CEP192: variants seen among roughly 807,000 people sequenced by gnomAD.
CEP192 encodes the protein centrosomal protein of 192 kDa.
In CEP192, 151 loss-of-function variants were observed where a neutral mutation model predicts 271.8. The ratio of observed to expected loss-of-function variants is 0.56; its 90% CI spans 0.49 to 0.64. CEP192 has a LOEUF of 0.64. CEP192 is among the 30% of genes least tolerant of loss of function. The pLI is 0.00. For missense variants in CEP192, 2,910 were observed against 3,020.5 expected (o/e 0.96, Z 0.86); for synonymous variants, 995 against 1,076.5 (o/e 0.92, Z 1.48).
In CEP192 at chr18:13,068,994, A is replaced by G. The variant is rs550484413; in HGVS notation, c.4962+3A>G. On this transcript the variant is annotated splice_donor_region_variant and intron_variant, in intron 25 of 44. Coordinates refer to ENST00000506447, the MANE Select transcript of CEP192 (RefSeq NM_032142.4). ...TCCATGCTCCCAGGGACTTGCAGGT[A>G]GCCTCAGTCCTCCTTTCTGCCGTTA... 2.5e-6 allele frequency: 4 copies of G among 1,614,206 alleles called. No individual in the cohort carries two copies. The Admixed American group carries it at 6.7e-5, about 27-fold the overall frequency.
chr18:13,118,705 G>A (rs917351196), intron 44 of CEP192, among the ~76,000 whole-genome samples: 1 of 152,186 alleles, frequency 6.6e-6, no homozygotes, highest in Non-Finnish European at 1.5e-5. Flanking sequence ...TTTGTAAAAT[G>A]GAGATGCCAG....
chr18:13,098,756 C>T (rs1229018775), intron 36 of CEP192, among the ~76,000 whole-genome samples: 1 of 152,008 alleles, frequency 6.6e-6, no homozygotes, highest in Non-Finnish European at 1.5e-5. Context: ...GGCAGAGACG[C>T]TCCTCACTTC....
chr18:13,074,364 G>C (rs538005530), intron 30 of CEP192, among the ~76,000 whole-genome samples: 17 of 152,112 alleles, frequency 1.1e-4, no homozygotes, highest in Non-Finnish European at 2.2e-4. Flanking sequence ...GTGCACCCAG[G>C]GGATACTGCC....
chr18:13,018,907 GTTTATTATTGCCTC>G (rs2034821734), intron 8 of CEP192, among the ~76,000 whole-genome samples, 161 bp from the exon 9 acceptor site: 1 of 152,086 alleles, frequency 6.6e-6, no homozygotes, highest in South Asian at 2.1e-4. Flanking sequence ...AGTTTATCAT[GTTTATTATTGCCTC>G]TTACTGTTGC....
rs373114594 is a variant in CEP192, at chr18:13,069,754, G to T, written c.5072G>T (p.Ser1691Ile). The change falls in exon 27 of 45, where the codon AGT becomes ATT. Residue 1691 changes from serine (S) to isoleucine (I), a missense_variant. Physicochemically the swap from Ser to Ile is moderately radical, Grantham distance 142. Coordinates refer to ENST00000506447, the MANE Select transcript of CEP192 (RefSeq NM_032142.4). ...TATATTTAGGTCCCAGAACAAGGAA[G>T]TCACTTTTCAGTGGATCCAAAGAAT... ...YLDIKVPEQG[S>I]HFSVDPKNLL... 2 of 1,580,214 alleles carry T rather than the reference G, an allele frequency of 1.3e-6. No individual in the cohort carries two copies. The highest frequency in any genetic ancestry group is 2.7e-5 in the African/African-American group (2 of 73,624).
chr18:13,021,574 G>A (rs1036236564), intron 9 of CEP192, among the ~76,000 whole-genome samples: 21 of 152,252 alleles, frequency 1.4e-4, no homozygotes, highest in African/African-American at 4.8e-4. Context: ...TCTTTTTCAA[G>A]ATTTTTTTGG....
At position 13,117,611 on chromosome 18, in the gene CEP192, A is replaced by G. The variant is rs770691155; in HGVS notation, c.7443A>G (p.Pro2481=). ...HSLKFLSPRE[P]FYVKHSKYSL... ...TGAAGTTTTTGAGTCCCAGAGAGCCATTCTATGTCAAACATTCCAAGTACT... is the reference window on the plus strand; with the variant it reads ...TGAAGTTTTTGAGTCCCAGAGAGCCGTTCTATGTCAAACATTCCAAGTACT... The change falls in exon 44 of 45, where the codon CCA becomes CCG. Residue 2481 remains proline, a synonymous_variant. Coordinates refer to ENST00000506447, the MANE Select transcript of CEP192 (RefSeq NM_032142.4). 8.1e-6 allele frequency: 13 copies of G among 1,612,988 alleles called. No individual in the cohort carries two copies. Among genetic ancestry groups the G allele is most frequent in the Middle Eastern group, 1.6e-4 (1 of 6,062 alleles).
At chr18:13,030,681 T>A in intron 11 of CEP192, 73 bp downstream of exon 11, 1 of 1,222,824 alleles carries the variant, frequency 8.2e-7, no homozygotes, top group Non-Finnish European at 1.2e-6. Flanking sequence ...TGTGTATATG[T>A]TGGTCAGCCA....
At chr18:13,008,702 ATTTTT>A (rs796795541) in intron 4 of CEP192, 71 bp downstream of exon 4, 183 of 931,818 alleles carry the variant, frequency 2.0e-4, no homozygotes, top group East Asian at 3.0e-4. Context: ...TTATCTTTGG[ATTTTT>A]TTTTTTTTTT....
In CEP192 at chr18:13,049,559, A is replaced by T; in HGVS notation, c.2768A>T (p.Asp923Val). 6.2e-7 allele frequency: 1 copy of T among 1,614,068 alleles called. No homozygotes were observed. Among genetic ancestry groups the T allele is most frequent in the South Asian group, 1.1e-5 (1 of 91,080 alleles). The change falls in exon 16 of 45, where the codon GAC (aspartate) becomes GTC (valine). Residue 923 changes from aspartate (D) to valine (V), a missense_variant. Coordinates refer to ENST00000506447, the MANE Select transcript of CEP192 (RefSeq NM_032142.4). ...ATAACATCCCTTTGTCTGTTAAAAG[A>T]CTGTGAAGAAATACGAGATAACAGA... ...PRITSLCLLK[D>V]CEEIRDNREN...
In CEP192 at chr18:13,048,943, A is replaced by G. The variant is rs1298571855; in HGVS notation, c.2152A>G (p.Ile718Val). ...SGDSMLRIST[I>V]ASAIAEASVN... ...TGATTCTATGCTTAGGATCAGCACCATTGCTTCAGCCATTGCAGAGGCATC... is the reference window on the plus strand; with the variant it reads ...TGATTCTATGCTTAGGATCAGCACCGTTGCTTCAGCCATTGCAGAGGCATC... The change falls in exon 16 of 45, where the codon ATT becomes GTT. Residue 718 changes from isoleucine (I) to valine (V), a missense_variant. Transcript: ENST00000506447. 6.2e-7 allele frequency: 1 copy of G among 1,614,144 alleles called. No homozygotes were observed. Among genetic ancestry groups the G allele is most frequent in the Non-Finnish European group, 8.5e-7 (1 of 1,179,952 alleles).
rs150653135 is a variant in CEP192 at position 13,087,985 on chromosome 18, T to C, written c.5993+339T>C. Among the ~76,000 whole-genome samples the C allele has an allele frequency of 3.4e-3, 513 of 152,336 alleles. 4 individuals carry two copies. Among genetic ancestry groups the C allele is most frequent in the Non-Finnish European group, 5.3e-3 (358 of 68,036 alleles). The stretch of plus-strand genomic sequence containing the variant: ...ATGTTAAGTGACAGTGTCAGTTTTA[T>C]AAAAGATTTAAGAACTACTGAATGA... On this transcript the variant is annotated intron_variant, in intron 32 of 44. Transcript: ENST00000506447.
intron 3 of CEP192, among the ~76,000 whole-genome samples, chr18:13,002,752 T>C (rs1206341937): frequency 3.3e-5 from 5 of 152,130 alleles, no homozygotes; most frequent in African/African-American, 1.2e-4. Context: ...AAAACCAAAA[T>C]GGGAATGGTG....
intron 21 of CEP192, 61 bp downstream of exon 21, chr18:13,059,373 T>C (rs16940077): frequency 0.077 from 105,618 of 1,375,932 alleles, 4,906 homozygotes; most frequent in South Asian, 0.19. Context: ...TGTTTAACCT[T>C]AGAAGTAAAA....
chr18:13,083,071 A>C (rs1028921305), intron 30 of CEP192, among the ~76,000 whole-genome samples: 6 of 151,878 alleles, frequency 4.0e-5, no homozygotes, highest in African/African-American at 1.5e-4. Context: ...CTTCATTCCA[A>C]CCTTGGTGAA....
rs2144132717 is a variant in CEP192 at position 13,055,895 on chromosome 18, G to A, written c.3305G>A (p.Gly1102Glu). 6.2e-7 allele frequency: 1 copy of A among 1,613,998 alleles called. No individual in the cohort carries two copies. Among genetic ancestry groups the A allele is most frequent in the Non-Finnish European group, 8.5e-7 (1 of 1,179,954 alleles). ...EKVPFQNRGK[G>E]TLSSIIQNNS... ...GTTCCATTTCAGAATAGAGGAAAAG[G>A]AACATTATCATCTATTATCCAGAAT... is the stretch of plus-strand genomic sequence containing the variant. The change falls in exon 19 of 45, where the codon GGA (glycine) becomes GAA (glutamate). Residue 1102 changes from glycine to glutamate, a missense_variant. By Grantham distance (98) the Gly-to-Glu change is moderately conservative (BLOSUM62 -2). Coordinates refer to ENST00000506447, the MANE Select transcript of CEP192 (RefSeq NM_032142.4).
intron 1 of CEP192, among the ~76,000 whole-genome samples, chr18:12,998,806 C>G (rs959219529): frequency 6.6e-6 from 1 of 152,134 alleles, no homozygotes; most frequent in African/African-American, 2.4e-5. Flanking sequence ...CTTCAGAGCA[C>G]CGTGGTCAGG....
chr18:13,005,249 G>A (rs1016671288), intron 3 of CEP192, among the ~76,000 whole-genome samples: 4 of 152,154 alleles, frequency 2.6e-5, no homozygotes, highest in Non-Finnish European at 4.4e-5. Flanking sequence ...AAGGTGAAAG[G>A]AATGTTCAGA....
rs539692537 is a variant in CEP192 at position 13,103,476 on chromosome 18, G to A, written c.6872-33G>A. 2.2e-5 allele frequency: 34 copies of A among 1,562,500 alleles called. No homozygotes were observed. In the African/African-American group the frequency reaches 3.0e-4, roughly 14 times the overall value. ...CATCTGCTTGTTCTCCAGTCTCTCC[G>A]AGTTTGAGTTATGATATATGTGTTC... On this transcript the variant is annotated intron_variant, in intron 38 of 44. Coordinates refer to ENST00000506447, the MANE Select transcript of CEP192 (RefSeq NM_032142.4).
Sources: gnomAD v4.1 joint callset for allele counts (sites outside exome capture counted in the v4.1 genomes callset) on GRCh38, gnomAD v4.1.1 for gene constraint, MANE v1.5 for transcripts, NCBI Gene and HGNC (gene_info 2026-07-23, HGNC 2026-07-21) for gene names.